The following LYN variants were observed in gnomAD, a reference collection of about 807,000 sequenced individuals.
LYN encodes the protein LYN proto-oncogene, Src family tyrosine kinase.
Under a neutral mutation model 65.0 loss-of-function variants are expected in LYN, and 12 were observed. The observed-to-expected ratio is 0.18, with a 90% CI of 0.12 to 0.30. The LOEUF (loss-of-function observed/expected upper bound fraction) is 0.30. Among genes scored for constraint, LYN ranks in the 10% least tolerant of loss-of-function variants. LYN has a pLI of 1.00. For missense variants in LYN, 380 were observed against 623.2 expected, an observed-to-expected ratio of 0.61 and a Z score of 4.16; for synonymous variants, 222 against 221.2, an observed-to-expected ratio of 1.00 and a Z score of -0.03.
intron 10 of LYN, among the ~76,000 whole-genome samples, chr8:55,998,071 G>A (rs1031193024): frequency 3.3e-5 from 5 of 151,890 alleles, no homozygotes; most frequent in Admixed American, 1.3e-4. Context: ...GTGAAAGAGC[G>A]AGACTCCGTC....
intron 1 of LYN, among the ~76,000 whole-genome samples, chr8:55,933,380 C>A (rs1806324344): frequency 1.3e-5 from 2 of 152,152 alleles, no homozygotes; most frequent in South Asian, 4.1e-4. Flanking sequence ...GACAAACAAG[C>A]CTATTTCTAT....
Position 55,887,575 on chromosome 8 carries a change from T to TACACACACAC in LYN, c.-6+7492_-6+7501dup, listed in dbSNP as rs372547745. On this transcript the variant is annotated intron_variant, in intron 1 of 12. Transcript: ENST00000519728. ...AAATATAAATATATATATATATATA[T>TACACACACAC]ACACACACACACACACACACACACA... Among the ~76,000 whole-genome samples, 94 of 93,452 alleles carry TACACACACAC rather than the reference T, an allele frequency of 1.0e-3. 4 individuals are homozygous for TACACACACAC. Among genetic ancestry groups the TACACACACAC allele is most frequent in the African/African-American group, 3.3e-3 (83 of 25,470 alleles). 61.3% of individuals were successfully genotyped at this position (93,452 alleles called of 152,430 possible).
chr8:55,963,368 C>G (rs1208985201), intron 8 of LYN, among the ~76,000 whole-genome samples: 1 of 152,214 alleles, frequency 6.6e-6, no homozygotes, highest in Non-Finnish European at 1.5e-5. Context: ...TCCTGACTAG[C>G]AGAGCTGTAC....
At chr8:55,902,872 G>A (rs1410946452) in intron 1 of LYN, 38 of 419,950 alleles carry the variant, frequency 9.0e-5, no homozygotes, top group East Asian at 6.4e-5. Flanking sequence ...TTTTGGAGAC[G>A]GAGTCTCTCT....
intron 2 of LYN, among the ~76,000 whole-genome samples, chr8:55,945,808 A>G (rs964837667): frequency 6.6e-6 from 1 of 152,178 alleles, no homozygotes; most frequent in Admixed American, 6.5e-5. Flanking sequence ...CCTGGATGGG[A>G]TGGGACTTGC....
At chr8:55,952,307 C>T (rs550153575) in intron 7 of LYN, among the ~76,000 whole-genome samples, 192 bp downstream of exon 7, 7 of 152,236 alleles carry the variant, frequency 4.6e-5, no homozygotes, top group African/African-American at 1.7e-4. Context: ...GCCTGTAATC[C>T]CAGCACTTTG....
intron 9 of LYN, among the ~76,000 whole-genome samples, chr8:55,967,921 C>T (rs955664467): frequency 2.6e-5 from 4 of 152,076 alleles, no homozygotes; most frequent in African/African-American, 9.7e-5. Context: ...AGCAATGATC[C>T]AGGATTAACA....
intron 12 of LYN, among the ~76,000 whole-genome samples, chr8:56,000,502 G>A (rs1224361513): frequency 6.6e-6 from 1 of 151,988 alleles, no homozygotes; most frequent in Non-Finnish European, 1.5e-5. Context: ...GCTGAGGTGG[G>A]TGAATCACGA....
intron 1 of LYN, among the ~76,000 whole-genome samples, chr8:55,912,734 A>T (rs961353727): frequency 3.8e-5 from 5 of 131,408 alleles, no homozygotes; most frequent in African/African-American, 1.4e-4. Context: ...CTGAAAAAAA[A>T]AAACAAAACA....
chr8:55,966,137 TA>T (rs1467211722), intron 8 of LYN, among the ~76,000 whole-genome samples: 3 of 151,968 alleles, frequency 2.0e-5, no homozygotes, highest in Admixed American at 6.6e-5. Flanking sequence ...AATAAATAAA[TA>T]AATATTAGCC....
intron 7 of LYN, among the ~76,000 whole-genome samples, 181 bp downstream of exon 7, chr8:55,952,296 C>A (rs927764655): frequency 6.6e-6 from 1 of 152,142 alleles, no homozygotes; most frequent in African/African-American, 2.4e-5. Flanking sequence ...CAGTGGCTCA[C>A]GCCTGTAATC....
At chr8:55,967,469 C>T (rs2130525856) in intron 9 of LYN, among the ~76,000 whole-genome samples, 1 of 152,014 alleles carries the variant, frequency 6.6e-6, no homozygotes, top group East Asian at 1.9e-4. Context: ...CACGTGCCAC[C>T]ATGCCCAGCT....
At chr8:55,913,401 A>G (rs1805696371) in intron 1 of LYN, among the ~76,000 whole-genome samples, 1 of 152,150 alleles carries the variant, frequency 6.6e-6, no homozygotes. Flanking sequence ...GGGGCTGCCT[A>G]CTGCAGGGCC....
chr8:55,967,543 T>C (rs558004733), intron 9 of LYN, among the ~76,000 whole-genome samples: 1 of 152,140 alleles, frequency 6.6e-6, no homozygotes, highest in Non-Finnish European at 1.5e-5. Flanking sequence ...CTCGAACTCC[T>C]GAGCTCAGGC....
At chr8:55,967,315 T>C in intron 9 of LYN, among the ~76,000 whole-genome samples, 1 of 106,970 alleles carries the variant, frequency 9.3e-6, no homozygotes, top group Non-Finnish European at 2.1e-5. Context: ...CATTTTTTTT[T>C]TTTTTTTTTT....
intron 3 of LYN, 22 bp from the exon 4 acceptor site, chr8:55,947,596 G>A: frequency 3.9e-6 from 6 of 1,539,152 alleles, no homozygotes; most frequent in Non-Finnish European, 5.4e-6. Flanking sequence ...TCTTACAGGT[G>A]TTCTCTTGTG....
chr8:55,950,101 A>T (rs1443368168), intron 4 of LYN, among the ~76,000 whole-genome samples: 3 of 152,110 alleles, frequency 2.0e-5, no homozygotes, highest in Non-Finnish European at 4.4e-5. Context: ...ATCTCTCAGC[A>T]CTCCATTCCT....
intron 1 of LYN, among the ~76,000 whole-genome samples, chr8:55,888,126 T>C (rs1804855084): frequency 6.6e-6 from 1 of 152,194 alleles, no homozygotes; most frequent in Non-Finnish European, 1.5e-5. Flanking sequence ...CTGCTATGTT[T>C]AGTATTCAGT....
At chr8:55,954,878 T>C (rs1188073598) in intron 8 of LYN, among the ~76,000 whole-genome samples, 1 of 141,558 alleles carries the variant, frequency 7.1e-6, no homozygotes, top group Admixed American at 7.0e-5. Flanking sequence ...AAATAAAAGT[T>C]TTCATAGTGA....
Sources: allele counts gnomAD v4.1 joint callset (sites outside exome capture counted in the v4.1 genomes callset), GRCh38; gene constraint gnomAD v4.1.1; transcripts MANE v1.5; gene names NCBI Gene and HGNC (gene_info 2026-07-23, HGNC 2026-07-21).